SNAP91: variants seen among roughly 807,000 people sequenced by gnomAD.
The protein encoded by SNAP91 is synaptosome associated protein 91, also known as clathrin coat assembly protein AP180.
In SNAP91, 27 loss-of-function variants were observed where a neutral mutation model predicts 100.3. The ratio of observed to expected loss-of-function variants is 0.27; its 90% CI spans 0.20 to 0.37. The LOEUF is 0.37. SNAP91 is among the 10% of genes least tolerant of loss of function. The probability of loss-of-function intolerance (pLI) is 1.00; values close to 1 mark genes in which losing one functional copy is unlikely to be tolerated. For synonymous variants in SNAP91, 404 were observed against 398.6 expected (o/e 1.01, Z -0.16); for missense variants, 986 against 1,123.7 (o/e 0.88, Z 1.75).
intron 29 of SNAP91, among the ~76,000 whole-genome samples, chr6:83,555,452 A>C (rs1486830889): frequency 6.6e-6 from 1 of 152,200 alleles, no homozygotes; most frequent in East Asian, 1.9e-4. Flanking sequence ...TGGATAGTTT[A>C]TCTCACATGA....
intron 8 of SNAP91, among the ~76,000 whole-genome samples, chr6:83,633,734 A>T (rs751899522): frequency 6.6e-6 from 1 of 152,142 alleles, no homozygotes; most frequent in Non-Finnish European, 1.5e-5. Context: ...TGTGCCCCCC[A>T]GCAACAGCAC....
intron 11 of SNAP91, 128 bp from the exon 12 acceptor site, chr6:83,610,805 A>G (rs1300371427): frequency 1.4e-5 from 3 of 214,066 alleles, no homozygotes; most frequent in African/African-American, 7.3e-5. Context: ...TTGGTCAAGC[A>G]CTAACTTGTT....
chr6:83,689,056 G>C (rs1194014141), intron 2 of SNAP91, among the ~76,000 whole-genome samples: 1 of 152,152 alleles, frequency 6.6e-6, no homozygotes, highest in Non-Finnish European at 1.5e-5. Flanking sequence ...AGTAGCAAGG[G>C]TGTCTATGCT....
At chr6:83,702,421 G>A (rs1375487739) in intron 2 of SNAP91, among the ~76,000 whole-genome samples, 1 of 152,132 alleles carries the variant, frequency 6.6e-6, no homozygotes, top group African/African-American at 2.4e-5. Context: ...AAAGCTAAAA[G>A]AGAGGTCCAT....
At chr6:83,658,800 G>A (rs551487530) in intron 6 of SNAP91, among the ~76,000 whole-genome samples, 199 bp downstream of exon 6, 2 of 152,224 alleles carry the variant, frequency 1.3e-5, no homozygotes, top group South Asian at 2.1e-4. Flanking sequence ...CATGACTTAT[G>A]TAAACACCTG....
At chr6:83,610,159 C>T (rs990084015) in intron 12 of SNAP91, among the ~76,000 whole-genome samples, 6 of 152,042 alleles carry the variant, frequency 3.9e-5, no homozygotes, top group Admixed American at 1.3e-4. Flanking sequence ...TTTGTACACC[C>T]ATGTTCACAG....
intron 22 of SNAP91, among the ~76,000 whole-genome samples, chr6:83,584,544 G>A (rs1365079501): frequency 6.6e-6 from 1 of 152,040 alleles, no homozygotes; most frequent in Non-Finnish European, 1.5e-5. Flanking sequence ...GAAAATTAAA[G>A]GTAAGCCAAC....
At chr6:83,688,522 T>TTTTG (rs2099090652) in intron 2 of SNAP91, among the ~76,000 whole-genome samples, 1 of 150,492 alleles carries the variant, frequency 6.6e-6, no homozygotes, top group African/African-American at 2.5e-5. Context: ...TTTTTTTTTT[T>TTTTG]GAGATTGAGT....
intron 26 of SNAP91, 56 bp downstream of exon 26, chr6:83,574,954 C>A: frequency 8.5e-7 from 1 of 1,177,574 alleles, no homozygotes; most frequent in Non-Finnish European, 1.2e-6. Flanking sequence ...CGCTACTTTA[C>A]ACACTTGGAA....
At chr6:83,592,649 CT>C in intron 20 of SNAP91, 111 bp from the exon 21 acceptor site, 1 of 855,104 alleles carries the variant, frequency 1.2e-6, no homozygotes. Flanking sequence ...GGCAGAAAGA[CT>C]GTAGACAATC....
chr6:83,584,045 C>A (rs1832275833), intron 22 of SNAP91, among the ~76,000 whole-genome samples: 1 of 152,124 alleles, frequency 6.6e-6, no homozygotes, highest in Non-Finnish European at 1.5e-5. Flanking sequence ...TCAGTAAGAG[C>A]TTATCCCAGC....
At chr6:83,686,733 C>T (rs976734171) in intron 2 of SNAP91, 1 of 152,168 alleles carries the variant, frequency 6.6e-6, no homozygotes, top group Non-Finnish European at 1.5e-5. Flanking sequence ...ACTAAATTTA[C>T]CAATTCTAAT....
chr6:83,627,398 T>C (rs2096981075), intron 8 of SNAP91, among the ~76,000 whole-genome samples: 1 of 152,106 alleles, frequency 6.6e-6, no homozygotes. Context: ...TCCTTCTCAA[T>C]TCATTGAAAT....
chr6:83,613,171 C>G (rs1006322601), intron 11 of SNAP91, among the ~76,000 whole-genome samples: 3 of 152,044 alleles, frequency 2.0e-5, no homozygotes, highest in African/African-American at 7.3e-5. Flanking sequence ...AAACAAAACC[C>G]TCCTACTGTC....
chr6:83,569,237 A>G (rs1196910818), intron 26 of SNAP91, among the ~76,000 whole-genome samples: 2 of 152,128 alleles, frequency 1.3e-5, no homozygotes, highest in Non-Finnish European at 2.9e-5. Flanking sequence ...AATAGTTTCT[A>G]TTGTTCTAAT....
intron 9 of SNAP91, among the ~76,000 whole-genome samples, chr6:83,618,520 T>A (rs1418696819): frequency 6.6e-6 from 1 of 151,922 alleles, no homozygotes; most frequent in Non-Finnish European, 1.5e-5. Flanking sequence ...AAATGAATTT[T>A]AAGAGATACA....
chr6:83,597,117 A>G (rs2094559471), intron 16 of SNAP91, among the ~76,000 whole-genome samples: 1 of 152,060 alleles, frequency 6.6e-6, no homozygotes, highest in Non-Finnish European at 1.5e-5. Flanking sequence ...ACTAAATATT[A>G]TCAACTTAAC....
At chr6:83,652,157 ATC>A (rs959957101) in intron 7 of SNAP91, among the ~76,000 whole-genome samples, 10 of 152,018 alleles carry the variant, frequency 6.6e-5, no homozygotes, top group Non-Finnish European at 1.0e-4. Flanking sequence ...TACTCTGGTA[ATC>A]TCTGTCTTAA....
chr6:83,662,677 A>G (rs1306997432), intron 3 of SNAP91, among the ~76,000 whole-genome samples: 1 of 152,152 alleles, frequency 6.6e-6, no homozygotes, highest in Non-Finnish European at 1.5e-5. Context: ...ATCCTACATA[A>G]AATTGGTAAT....
Sources: allele counts gnomAD v4.1 joint callset (sites outside exome capture counted in the v4.1 genomes callset), GRCh38; gene constraint gnomAD v4.1.1; transcripts MANE v1.5; gene names NCBI Gene and HGNC (gene_info 2026-07-23, HGNC 2026-07-21).